Variants in ABLIM1 observed in about 807,000 individuals in gnomAD.
ABLIM1 encodes the protein actin binding LIM protein 1.
Under a neutral mutation model 107.0 loss-of-function variants are expected in ABLIM1, and 40 were observed. The observed-to-expected ratio is 0.37, with a 90% confidence interval of 0.29 to 0.49. ABLIM1 has a LOEUF of 0.49. ABLIM1 is among the 20% of genes least tolerant of loss of function. The pLI is 0.97. For missense variants in ABLIM1, 857 were observed against 1,008.5 expected (o/e 0.85, Z 2.04); for synonymous variants, 357 against 357.3 (o/e 1.00, Z 0.01).
intron 4 of ABLIM1, among the ~76,000 whole-genome samples, chr10:114,570,753 C>T (rs564402195): frequency 9.2e-5 from 14 of 152,026 alleles, no homozygotes; most frequent in South Asian, 2.1e-4. Flanking sequence ...GGACTACAGA[C>T]GTGCACTATC....
chr10:114,524,090 C>T (rs1036181031), intron 6 of ABLIM1, among the ~76,000 whole-genome samples: 1 of 152,156 alleles, frequency 6.6e-6, no homozygotes, highest in Non-Finnish European at 1.5e-5. Context: ...GAATAGACTT[C>T]AATAAGTCAA....
At chr10:114,786,133 T>A in the ABLIM1 span, among the ~76,000 whole-genome samples, 1 of 151,918 alleles carries the variant, frequency 6.6e-6, no homozygotes, top group Non-Finnish European at 1.5e-5. Context: ...TATTGCTATT[T>A]GAAAAAGAGA....
intron 2 of ABLIM1, among the ~76,000 whole-genome samples, chr10:114,597,540 A>C (rs547794539): frequency 6.6e-6 from 1 of 152,268 alleles, no homozygotes; most frequent in Non-Finnish European, 1.5e-5. Flanking sequence ...AAGGAAAGAA[A>C]TAGAATGGAA....
Position 114,700,774 on chromosome 10 carries a change from A to G in ABLIM1, c.-213+67287T>C, listed in dbSNP as rs375658198. ...TTAACCTCAACCCCTACCTCACACC[A>G]TATACAAAAATTATTTTGAGAGGAA... On this transcript the variant is annotated intron_variant, in intron 1 of 15. Transcript: ENST00000651092. Among the ~76,000 whole-genome samples the G allele has an allele frequency of 1.1e-4, 17 of 152,230 alleles. No individual in the cohort carries two copies. In the East Asian group the frequency reaches 2.5e-3, roughly 22 times the overall value.
At chr10:114,462,543 G>A (rs187019385) in intron 12 of ABLIM1, among the ~76,000 whole-genome samples, 189 of 152,146 alleles carry the variant, frequency 1.2e-3, no homozygotes, top group Non-Finnish European at 1.6e-3. Flanking sequence ...TCTGAGAGTC[G>A]GCTCAAAGAG....
At chr10:114,613,587 G>A in intron 1 of ABLIM1, 2 of 976,748 alleles carry the variant, frequency 2.0e-6, no homozygotes, top group Non-Finnish European at 2.8e-6. Flanking sequence ...TCAGAAACAA[G>A]AATGTGAACC....
intron 6 of ABLIM1, among the ~76,000 whole-genome samples, chr10:114,517,640 T>C (rs187512945): frequency 6.6e-6 from 1 of 152,248 alleles, no homozygotes; most frequent in East Asian, 1.9e-4. Context: ...ACAATGTGGG[T>C]CTGTACTTTT....
chr10:114,472,115 A>G (rs1335164100), intron 10 of ABLIM1, among the ~76,000 whole-genome samples: 1 of 152,172 alleles, frequency 6.6e-6, no homozygotes, highest in East Asian at 1.9e-4. Context: ...AAATTGCCAC[A>G]TGCTCAGTAT....
chr10:114,460,498 G>A (rs987592367), intron 12 of ABLIM1, among the ~76,000 whole-genome samples: 2 of 152,222 alleles, frequency 1.3e-5, no homozygotes, highest in African/African-American at 4.8e-5. Flanking sequence ...CTACTCAGGA[G>A]GCCGAGGCAG....
chr10:114,500,950 C>T lies in ABLIM1; in HGVS notation c.895-9072G>A, dbSNP rs146331082. The stretch of plus-strand genomic sequence containing the variant: ...TTGGGCCACACCTGTATCTTCATAA[C>T]TCTACACCTCCATGCTTCCCACAAG... On this transcript the variant is annotated intron_variant, in intron 6 of 22. Transcript: ENST00000533213. Among the ~76,000 whole-genome samples the T allele has an allele frequency of 1.3e-3, 165 of 124,486 alleles. No homozygotes were observed. The East Asian group carries it at 0.048, about 36-fold the overall frequency. The allele number at this position is 124,486 out of a possible 152,430, so 81.7% of individuals were successfully genotyped here.
intron 8 of ABLIM1, among the ~76,000 whole-genome samples, chr10:114,478,658 C>A (rs1031775886): frequency 1.5e-4 from 23 of 152,302 alleles, no homozygotes; most frequent in Admixed American, 1.1e-3. Context: ...GAGGCCTTCC[C>A]AGCCATGCAG....
At chr10:114,545,930 C>A (rs373949482) in intron 5 of ABLIM1, among the ~76,000 whole-genome samples, 250 of 111,514 alleles carry the variant, frequency 2.2e-3, no homozygotes, top group Middle Eastern at 5.0e-3. Context: ...GACCCCATCT[C>A]AAAAAAAAAA....
chr10:114,452,176 T>C (rs912878456), intron 13 of ABLIM1, among the ~76,000 whole-genome samples: 7 of 152,314 alleles, frequency 4.6e-5, no homozygotes, highest in Admixed American at 3.3e-4. Flanking sequence ...TGTGCAAGGC[T>C]AGCCTGGTGT....
chr10:114,531,086 C>G (rs911220764), intron 6 of ABLIM1, among the ~76,000 whole-genome samples: 2 of 152,214 alleles, frequency 1.3e-5, no homozygotes, highest in Non-Finnish European at 1.5e-5. Context: ...AAGAAATTTT[C>G]AAACCCAAGC....
In ABLIM1 at chr10:114,601,818, G is replaced by C; in HGVS notation, c.379+9C>G. 1 of 1,614,156 alleles carries C rather than the reference G, an allele frequency of 6.2e-7. No individual in the cohort carries two copies. Among genetic ancestry groups the C allele is most frequent in the Non-Finnish European group, 8.5e-7 (1 of 1,180,016 alleles). On this transcript the variant is annotated intron_variant, in intron 2 of 22. Coordinates refer to ENST00000533213, the MANE Select transcript of ABLIM1 (RefSeq NM_002313.7). ...ATGCCACTGAGCCACGAAGCTGGAG[G>C]CACCATACCTTTGCAGGTGAAACAC...
intron 6 of ABLIM1, among the ~76,000 whole-genome samples, chr10:114,541,939 C>A (rs954052796): frequency 6.6e-6 from 1 of 152,124 alleles, no homozygotes; most frequent in Non-Finnish European, 1.5e-5. Flanking sequence ...CACTCAGACA[C>A]ACACACACAC....
chr10:114,780,732 G>T, the ABLIM1 span, among the ~76,000 whole-genome samples: 1 of 152,124 alleles, frequency 6.6e-6, no homozygotes, highest in African/African-American at 2.4e-5. Context: ...TCCTTCACAG[G>T]TCAAAGCTTT....
Position 114,432,348 on chromosome 10 carries a change from C to T in ABLIM1, c.*3912G>A, listed in dbSNP as rs974426421. 6.6e-6 allele frequency: 1 copy of T among 152,174 alleles called. No individual in the cohort carries two copies. The highest frequency in any genetic ancestry group is 1.5e-5 in the Non-Finnish European group (1 of 68,038). 9.4% of individuals were successfully genotyped at this position (152,174 alleles called of 1,614,324 possible). A position where few individuals can be genotyped will look rare whatever the true frequency, so the allele number is the denominator to read the frequency against. On this transcript the variant is annotated 3_prime_UTR_variant, in exon 23 of 23. Transcript: ENST00000533213. Reference sequence around the variant, plus strand: ...GTTGATGAGACAGTCTATTTTCCTTCCACCATCTTCCATGAGAGTCAGGAA... The same window carrying T: ...GTTGATGAGACAGTCTATTTTCCTTTCACCATCTTCCATGAGAGTCAGGAA...
At chr10:114,721,832 T>A (rs2081854286) in intron 1 of ABLIM1, among the ~76,000 whole-genome samples, 1 of 152,128 alleles carries the variant, frequency 6.6e-6, no homozygotes, top group African/African-American at 2.4e-5. Context: ...CCATGTTGGA[T>A]TAGTCTGTTG....
Sources: gnomAD v4.1 joint callset for allele counts (sites outside exome capture counted in the v4.1 genomes callset) on GRCh38, gnomAD v4.1.1 for gene constraint, MANE v1.5 for transcripts, NCBI Gene and HGNC (gene_info 2026-07-23, HGNC 2026-07-21) for gene names.